Variants in TRAPPC9 observed in about 807,000 individuals in gnomAD.
The protein encoded by TRAPPC9 is trafficking protein particle complex subunit 9.
A neutral mutation model predicts 124.0 loss-of-function variants in TRAPPC9; 83 were observed. The observed-to-expected ratio is 0.67, with a 90% CI of 0.56 to 0.80. The LOEUF is 0.80. TRAPPC9 is among the 30% of genes least tolerant of loss of function. The pLI, the probability that TRAPPC9 is intolerant of heterozygous loss-of-function variation, is 0.00. For synonymous variants in TRAPPC9, 638 were observed against 617.5 expected (o/e 1.03, Z -0.49); for missense variants, 1,302 against 1,508.3 (o/e 0.86, Z 2.27).
intron 10 of TRAPPC9, among the ~76,000 whole-genome samples, chr8:140,303,060 G>A (rs570712367): frequency 2.2e-4 from 33 of 152,228 alleles, no homozygotes; most frequent in African/African-American, 7.2e-4. Flanking sequence ...TCCGAAGCAC[G>A]ACCCTGAATT....
intron 21 of TRAPPC9, among the ~76,000 whole-genome samples, chr8:139,842,723 C>T (rs73364187): frequency 0.01 from 1,564 of 152,306 alleles, 19 homozygotes; most frequent in African/African-American, 0.035. Context: ...CCCTGTCCTG[C>T]TGTTTGCTGT....
intron 17 of TRAPPC9, among the ~76,000 whole-genome samples, chr8:140,030,449 T>G (rs1840432288): frequency 6.6e-6 from 1 of 152,188 alleles, no homozygotes; most frequent in African/African-American, 2.4e-5. Flanking sequence ...GAAAAATAGC[T>G]AGGTAAATCC....
At chr8:140,035,446 C>T (rs1840815719) in intron 17 of TRAPPC9, among the ~76,000 whole-genome samples, 1 of 152,158 alleles carries the variant, frequency 6.6e-6, no homozygotes, top group African/African-American at 2.4e-5. Flanking sequence ...GCAAAGATGC[C>T]AAACTAAGTA....
At chr8:139,924,179 C>T (rs949396859) in intron 19 of TRAPPC9, among the ~76,000 whole-genome samples, 1 of 152,186 alleles carries the variant, frequency 6.6e-6, no homozygotes, top group Non-Finnish European at 1.5e-5. Context: ...CTGGATAAAT[C>T]AGTCAAGCCT....
Position 140,300,480 on chromosome 8 carries a change from T to G in TRAPPC9, c.1757A>C (p.Asn586Thr). The part of the protein sequence containing the change: ...IIAHNRGEER[N>T]KKIDFQWVQG... Reference sequence around the variant, plus strand: ...GATCGACGTCCTACCTATTTTCTTGTTCCGCTCTTCTCCACGGTTGTGTGC... The same window carrying G: ...GATCGACGTCCTACCTATTTTCTTGGTCCGCTCTTCTCCACGGTTGTGTGC... Residue 586 changes from asparagine to threonine, a missense_variant, in exon 11 of 23, where the codon AAC becomes ACC. Coordinates refer to ENST00000438773, the MANE Select transcript of TRAPPC9 (RefSeq NM_001160372.4). The G allele has an allele frequency of 1.9e-6, 3 of 1,614,216 alleles. No individual in the cohort carries two copies. In the East Asian group the frequency reaches 6.7e-5, roughly 36 times the overall value.
At chr8:140,148,852 T>A (rs1215390061) in intron 17 of TRAPPC9, among the ~76,000 whole-genome samples, 1 of 152,198 alleles carries the variant, frequency 6.6e-6, no homozygotes, top group Non-Finnish European at 1.5e-5. Context: ...TTATTCTCAT[T>A]CTTGGGTTCA....
chr8:140,127,640 C>A (rs1259177743), intron 17 of TRAPPC9, among the ~76,000 whole-genome samples: 1 of 152,192 alleles, frequency 6.6e-6, no homozygotes, highest in African/African-American at 2.4e-5. Flanking sequence ...ACAGATTTCA[C>A]TGATAACAAA....
upstream of TRAPPC9, chr8:140,458,129 G>A (rs2071766606): frequency 1.4e-6 from 2 of 1,441,086 alleles, no homozygotes; most frequent in Non-Finnish European, 1.9e-6. Flanking sequence ...GTGAAAGGAG[G>A]GAGGAAGAGG....
chr8:140,149,320 G>A (rs1218717861), intron 17 of TRAPPC9, among the ~76,000 whole-genome samples: 1 of 152,198 alleles, frequency 6.6e-6, no homozygotes, highest in Non-Finnish European at 1.5e-5. Context: ...AAATAGGAAT[G>A]AGAATATTAT....
chr8:139,992,364 A>G (rs955125098), intron 18 of TRAPPC9, among the ~76,000 whole-genome samples: 2 of 152,132 alleles, frequency 1.3e-5, no homozygotes, highest in Non-Finnish European at 2.9e-5. Flanking sequence ...TACCTGCATT[A>G]TACTCACCAA....
rs2064292540 is a variant in TRAPPC9 at position 140,257,426 on chromosome 8, G to C, written c.2279-4497C>G. On this transcript the variant is annotated intron_variant, in intron 15 of 22. Transcript: ENST00000438773. This position sits in a 1 kb window ranked among gnomAD's most constrained non-coding sequence, Gnocchi z 4.6. The stretch of plus-strand genomic sequence containing the variant: ...TTCTCCTCCAATGGCACTCGGAGGT[G>C]CCATCCTGACGACACTACTTTAGAC... Among the ~76,000 whole-genome samples, 1 of 152,180 alleles carries C rather than the reference G, an allele frequency of 6.6e-6. No individual in the cohort carries two copies. Among genetic ancestry groups the C allele is most frequent in the African/African-American group, 2.4e-5 (1 of 41,436 alleles).
chr8:139,834,780 C>T (rs892208807), intron 21 of TRAPPC9, among the ~76,000 whole-genome samples: 1 of 152,178 alleles, frequency 6.6e-6, no homozygotes, highest in Non-Finnish European at 1.5e-5. Flanking sequence ...GATCTCACAC[C>T]CGAGAGATAC....
At chr8:140,260,347 G>A (rs1476256573) in intron 15 of TRAPPC9, among the ~76,000 whole-genome samples, 8 of 152,150 alleles carry the variant, frequency 5.3e-5, no homozygotes, top group Non-Finnish European at 5.9e-5. Context: ...TCCTACAAGA[G>A]GGCCAGGGAA....
chr8:139,996,158 C>CAAAAAAAAAAAAAAAAAAAAAAAAAAA, intron 18 of TRAPPC9, among the ~76,000 whole-genome samples: 4 of 19,424 alleles, frequency 2.1e-4, no homozygotes, highest in Admixed American at 1.0e-3. Context: ...AAAACTTAAG[C>CAAAAAAAAAAAAAAAAAAAAAAAAAAA]AAAAAAAAAA....
rs1009043436 is a variant in TRAPPC9, at chr8:139,825,332, A to C, written c.3055+60547T>G. On this transcript the variant is annotated intron_variant, in intron 21 of 22. Transcript: ENST00000438773. The surrounding 1 kb of genome is among the most constrained non-coding windows in gnomAD (Gnocchi z 4.6). ...TTCCCGCCGAATGGAGGAGAGGAGA[A>C]GCACAGGTCCTGGTGCAGGCGGCAC... 6.6e-5 allele frequency among the ~76,000 whole-genome samples: 10 copies of C among 152,332 alleles called. No homozygotes were observed. In the East Asian group the frequency reaches 1.9e-3, roughly 29 times the overall value.
At chr8:140,297,428 CACACACAT>C (rs1408184440) in intron 11 of TRAPPC9, among the ~76,000 whole-genome samples, 1 of 152,114 alleles carries the variant, frequency 6.6e-6, no homozygotes, top group Non-Finnish European at 1.5e-5. Flanking sequence ...CACACGCATA[CACACACAT>C]ACACACATAC....
chr8:140,142,327 G>A (rs541143025), intron 17 of TRAPPC9, among the ~76,000 whole-genome samples: 2 of 152,314 alleles, frequency 1.3e-5, no homozygotes, highest in Non-Finnish European at 2.9e-5. Flanking sequence ...GACATCTGAT[G>A]ACCTTCCTCT....
At chr8:139,910,038 G>T in intron 20 of TRAPPC9, 109 bp downstream of exon 20, 2 of 1,296,782 alleles carry the variant, frequency 1.5e-6, no homozygotes, top group Non-Finnish European at 2.1e-6. Flanking sequence ...GCATTTCTGA[G>T]CTACCTGTGG....
intron 4 of TRAPPC9, among the ~76,000 whole-genome samples, chr8:140,430,300 G>T (rs2070592454): frequency 6.6e-6 from 1 of 152,114 alleles, no homozygotes; most frequent in East Asian, 1.9e-4. Flanking sequence ...TTTAAACTGA[G>T]GGGGAAGATG....
Sources: allele counts gnomAD v4.1 joint callset (sites outside exome capture counted in the v4.1 genomes callset), GRCh38; gene constraint gnomAD v4.1.1; non-coding constraint Gnocchi (gnomAD v3.1); transcripts MANE v1.5; gene names NCBI Gene and HGNC (gene_info 2026-07-23, HGNC 2026-07-21).